DTNA: variants seen among roughly 807,000 people sequenced by gnomAD.
DTNA encodes the protein dystrobrevin alpha, also known as dystrophin-related protein 3.
In DTNA, 43 loss-of-function variants were observed where a neutral mutation model predicts 100.7. The observed-to-expected ratio is 0.43, with a 90% CI of 0.33 to 0.55. The LOEUF is 0.55. DTNA is among the 20% of genes least tolerant of loss of function. The pLI, the probability that DTNA is intolerant of heterozygous loss-of-function variation, is 0.04. For synonymous variants in DTNA, 349 were observed against 347.9 expected, an observed-to-expected ratio of 1.00 and a Z score of -0.04; for missense variants, 798 against 953.9, an observed-to-expected ratio of 0.84 and a Z score of 2.15.
At chr18:34,757,131 C>T (rs940983408) in intron 2 of DTNA, 10 of 152,192 alleles carry the variant, frequency 6.6e-5, no homozygotes, top group African/African-American at 2.4e-4. Context: ...GAATCTCAGT[C>T]GTGTTCCTTG....
At chr18:34,766,811 A>C (rs2093499436) in intron 3 of DTNA, among the ~76,000 whole-genome samples, 1 of 152,206 alleles carries the variant, frequency 6.6e-6, no homozygotes, top group African/African-American at 2.4e-5. Context: ...TTTTTTTCTG[A>C]AAGAACAAAA....
rs539870420 is a variant in DTNA at position 34,809,955 on chromosome 18, A to G, written c.449-2004A>G. ...AGGGCGCCCCCTGCAGTCATGTGCC[A>G]TGGCAACCTAAACATAAACTTACCT... On this transcript the variant is annotated intron_variant, in intron 5 of 22. Coordinates refer to ENST00000444659, the MANE Select transcript of DTNA (RefSeq NM_001386795.1). Among the ~76,000 whole-genome samples, 4 of 152,298 alleles carry G rather than the reference A, an allele frequency of 2.6e-5. No individual in the cohort carries two copies. The South Asian group carries it at 6.2e-4, about 24-fold the overall frequency.
chr18:34,771,529 A>G (rs1407226966), intron 3 of DTNA, among the ~76,000 whole-genome samples: 1 of 152,034 alleles, frequency 6.6e-6, no homozygotes, highest in African/African-American at 2.4e-5. Context: ...TAAAAAACCC[A>G]TCTTCTTTTT....
intron 1 of DTNA, among the ~76,000 whole-genome samples, chr18:34,502,421 T>A (rs1221899347): frequency 6.6e-6 from 1 of 152,180 alleles, no homozygotes; most frequent in Non-Finnish European, 1.5e-5. Flanking sequence ...TAATAATATC[T>A]TTTTCTATAT....
intron 4 of DTNA, among the ~76,000 whole-genome samples, chr18:34,798,229 G>T (rs997879616): frequency 1.1e-4 from 16 of 152,028 alleles, no homozygotes; most frequent in African/African-American, 3.6e-4. Flanking sequence ...TGAACTCCTG[G>T]GCTCAAGCAA....
intron 1 of DTNA, among the ~76,000 whole-genome samples, chr18:34,582,458 G>GA (rs1322366402): frequency 6.6e-6 from 1 of 152,104 alleles, no homozygotes; most frequent in African/African-American, 2.4e-5. Flanking sequence ...GGATGACATA[G>GA]AAAACAGAGG....
At chr18:34,811,492 A>C (rs2095485346) in intron 5 of DTNA, among the ~76,000 whole-genome samples, 1 of 152,220 alleles carries the variant, frequency 6.6e-6, no homozygotes, top group Admixed American at 6.5e-5. Flanking sequence ...ATCTTACACC[A>C]AAATCCGAAA....
chr18:34,551,410 G>A (rs1214874570), intron 1 of DTNA, among the ~76,000 whole-genome samples: 2 of 152,012 alleles, frequency 1.3e-5, no homozygotes, highest in Admixed American at 6.6e-5. Flanking sequence ...CTTCTCCACG[G>A]GTTCTACCAC....
chr18:34,589,575 C>T (rs9304137), intron 1 of DTNA, among the ~76,000 whole-genome samples: 15,633 of 152,062 alleles, frequency 0.1, 1,167 homozygotes, highest in African/African-American at 0.21. Flanking sequence ...TGCCACTGTA[C>T]TCCAGCCTGA....
Position 34,834,169 on chromosome 18 carries a change from A to G in DTNA, c.1176-3925A>G, listed in dbSNP as rs79296381. On this transcript the variant is annotated intron_variant, in intron 11 of 22. Transcript: ENST00000444659. Reference sequence around the variant, plus strand: ...TGTTTTAGTCCCTTTATGTTGCTGTAAAGGAATGCCAGAGGCTGGGTAACT... The same window carrying G: ...TGTTTTAGTCCCTTTATGTTGCTGTGAAGGAATGCCAGAGGCTGGGTAACT... 8.1e-3 allele frequency among the ~76,000 whole-genome samples: 1,235 copies of G among 152,234 alleles called. 18 individuals are homozygous for G. Among genetic ancestry groups the G allele is most frequent in the African/African-American group, 0.029 (1,190 of 41,546 alleles).
intron 15 of DTNA, 70 bp from the exon 16 acceptor site, chr18:34,858,215 G>A (rs770146856): frequency 7.0e-6 from 10 of 1,435,500 alleles, no homozygotes; most frequent in Non-Finnish European, 9.7e-6. Context: ...TGGTGGCCTT[G>A]ATCTGCTCCG....
chr18:34,613,860 G>A (rs984311311), intron 1 of DTNA, among the ~76,000 whole-genome samples: 2 of 152,202 alleles, frequency 1.3e-5, no homozygotes, highest in Admixed American at 6.5e-5. Flanking sequence ...ATCTAGCTAA[G>A]AAGACTGAGG....
At chr18:34,787,920 A>G (rs988920511) in intron 3 of DTNA, among the ~76,000 whole-genome samples, 1 of 152,336 alleles carries the variant, frequency 6.6e-6, no homozygotes, top group Admixed American at 6.5e-5. Flanking sequence ...GAAGAACTAA[A>G]TATTAGGTTA....
chr18:34,675,610 T>C (rs1351310993), intron 1 of DTNA, among the ~76,000 whole-genome samples: 1 of 152,202 alleles, frequency 6.6e-6, no homozygotes, highest in African/African-American at 2.4e-5. Context: ...ATTTTTCTTT[T>C]ACTACATTCT....
intron 1 of DTNA, among the ~76,000 whole-genome samples, chr18:34,564,079 A>G (rs946286071): frequency 6.6e-6 from 1 of 152,140 alleles, no homozygotes; most frequent in Non-Finnish European, 1.5e-5. Flanking sequence ...GGTCTCCAGA[A>G]GGCAGAAGGC....
intron 1 of DTNA, among the ~76,000 whole-genome samples, chr18:34,681,155 C>T (rs777865169): frequency 2.6e-5 from 4 of 152,112 alleles, no homozygotes; most frequent in Non-Finnish European, 1.5e-5. Flanking sequence ...TATTAAAGTT[C>T]ATCATTTTAA....
chr18:34,824,419 T>C (rs968016536), intron 9 of DTNA, among the ~76,000 whole-genome samples: 13 of 150,844 alleles, frequency 8.6e-5, no homozygotes, highest in African/African-American at 3.2e-4. Flanking sequence ...GAGGTTGCAG[T>C]GAGCCGAGAT....
intron 13 of DTNA, among the ~76,000 whole-genome samples, chr18:34,839,075 C>G (rs895070017): frequency 1.3e-5 from 2 of 152,156 alleles, no homozygotes; most frequent in East Asian, 1.9e-4. Context: ...TAAAGGGATG[C>G]CTTGCTAAAT....
intron 1 of DTNA, among the ~76,000 whole-genome samples, chr18:34,654,468 C>T (rs1212287460): frequency 6.6e-6 from 1 of 152,160 alleles, no homozygotes; most frequent in African/African-American, 2.4e-5. Flanking sequence ...AAATAAGTCA[C>T]AGATGTAAGT....
Sources: gnomAD v4.1 joint callset for allele counts (sites outside exome capture counted in the v4.1 genomes callset) on GRCh38, gnomAD v4.1.1 for gene constraint, MANE v1.5 for transcripts, NCBI Gene and HGNC (gene_info 2026-07-23, HGNC 2026-07-21) for gene names.